The following TIAM1 variants were observed in gnomAD, a reference collection of about 807,000 sequenced individuals.
TIAM1 encodes the protein rho guanine nucleotide exchange factor TIAM1.
TIAM1 carries 65 observed loss-of-function variants against 163.5 expected under a neutral mutation model. That is an observed-to-expected ratio of 0.40 (90% CI 0.33 to 0.49). TIAM1 has a LOEUF of 0.49. Ranked by LOEUF, TIAM1 falls within the 20% of genes least tolerant of loss-of-function variation. TIAM1 has a pLI of 0.77. For synonymous variants in TIAM1, 833 were observed against 810.1 expected, an observed-to-expected ratio of 1.03 and a Z score of -0.48; for missense variants, 1,789 against 2,044.7, an observed-to-expected ratio of 0.87 and a Z score of 2.41.
intron 4 of TIAM1, among the ~76,000 whole-genome samples, chr21:31,260,535 G>A (rs2072402107): frequency 1.3e-5 from 2 of 151,834 alleles, no homozygotes; most frequent in African/African-American, 4.8e-5. Flanking sequence ...GTCTAAGAAT[G>A]GCTAACATAA....
chr21:31,397,284 A>C (rs1222706931), intron 2 of TIAM1, among the ~76,000 whole-genome samples: 1 of 152,206 alleles, frequency 6.6e-6, no homozygotes, highest in Non-Finnish European at 1.5e-5. Flanking sequence ...TATAAACAGC[A>C]AAAAACTGAG....
At chr21:31,210,945 A>G (rs941424363) in intron 10 of TIAM1, among the ~76,000 whole-genome samples, 10 of 145,780 alleles carry the variant, frequency 6.9e-5, no homozygotes, top group African/African-American at 2.6e-4. Context: ...TGAAGCCCCA[A>G]TCATTTTTTT....
chr21:31,304,138 A>G (rs909443585), intron 2 of TIAM1, among the ~76,000 whole-genome samples: 6 of 152,170 alleles, frequency 3.9e-5, no homozygotes, highest in African/African-American at 1.4e-4. Flanking sequence ...AGCTACACAC[A>G]TGTTCATATA....
intron 2 of TIAM1, among the ~76,000 whole-genome samples, chr21:31,295,632 TATG>T (rs1441364655): frequency 1.3e-5 from 2 of 152,120 alleles, no homozygotes; most frequent in African/African-American, 4.8e-5. Flanking sequence ...TGAAATTCTT[TATG>T]ATGAACAGTT....
At chr21:31,471,858 A>G (rs2045751438) in intron 1 of TIAM1, among the ~76,000 whole-genome samples, 1 of 143,252 alleles carries the variant, frequency 7.0e-6, no homozygotes, top group South Asian at 2.3e-4. Context: ...AACAAGAGCG[A>G]AACTCCATCT....
chr21:31,483,091 T>C (rs529995102), intron 1 of TIAM1, among the ~76,000 whole-genome samples: 3 of 152,182 alleles, frequency 2.0e-5, no homozygotes. Context: ...TATCACACCA[T>C]GGCGGGCTGT....
intron 15 of TIAM1, among the ~76,000 whole-genome samples, chr21:31,169,627 T>G (rs1233750382): frequency 1.3e-5 from 2 of 152,160 alleles, no homozygotes; most frequent in African/African-American, 4.8e-5. Flanking sequence ...CTGAAAAAGT[T>G]CGCTAAAGGA....
chr21:31,140,932 G>A (rs2082819121), intron 22 of TIAM1, among the ~76,000 whole-genome samples, 186 bp downstream of exon 22: 1 of 152,236 alleles, frequency 6.6e-6, no homozygotes, highest in South Asian at 2.1e-4. Context: ...GGAAGAAATA[G>A]TCCAGCTGAG....
At chr21:31,339,136 G>T in intron 2 of TIAM1, 107 bp downstream of exon 2, 1 of 390,376 alleles carries the variant, frequency 2.6e-6, no homozygotes, top group Non-Finnish European at 4.5e-6. Context: ...CACAAACAAT[G>T]AACTTTCTAT....
chr21:31,488,074 T>C (rs2046337766), intron 1 of TIAM1, among the ~76,000 whole-genome samples: 1 of 152,212 alleles, frequency 6.6e-6, no homozygotes, highest in Non-Finnish European at 1.5e-5. Context: ...TCCACCCACT[T>C]CGGCCTCCCG....
chr21:31,473,526 GTT>G (rs10707169), intron 1 of TIAM1, among the ~76,000 whole-genome samples: 143 of 143,622 alleles, frequency 1.0e-3, no homozygotes, highest in African/African-American at 3.2e-3. Context: ...GGTTAATTTT[GTT>G]TTTTTTTGCT....
At chr21:31,135,897 T>C (rs1200797578) in intron 23 of TIAM1, 36 bp downstream of exon 23, 1 of 1,574,744 alleles carries the variant, frequency 6.4e-7, no homozygotes. Context: ...TAAGCTAGAC[T>C]TTTCCCCCTC....
At chr21:31,369,269 C>G (rs926110057) in intron 2 of TIAM1, among the ~76,000 whole-genome samples, 17 of 150,840 alleles carry the variant, frequency 1.1e-4, no homozygotes, top group African/African-American at 3.9e-4. Context: ...AATGAGGAAG[C>G]TACATGAGAC....
chr21:31,446,446 T>A, intron 2 of TIAM1, among the ~76,000 whole-genome samples: 1 of 152,102 alleles, frequency 6.6e-6, no homozygotes, highest in East Asian at 1.9e-4. Flanking sequence ...TCACGGGTGA[T>A]CACTTTCAAA....
chr21:31,250,761 G>A (rs2071757410), intron 5 of TIAM1, among the ~76,000 whole-genome samples: 1 of 152,118 alleles, frequency 6.6e-6, no homozygotes, highest in Non-Finnish European at 1.5e-5. Flanking sequence ...TTAAAATATA[G>A]AGCTCATAAA....
intron 1 of TIAM1, among the ~76,000 whole-genome samples, chr21:31,529,445 C>T (rs938892979): frequency 6.6e-6 from 1 of 151,786 alleles, no homozygotes; most frequent in East Asian, 1.9e-4. Context: ...ATTTCAGAAA[C>T]GAGGAGTATG....
intron 6 of TIAM1, among the ~76,000 whole-genome samples, chr21:31,233,624 G>A (rs200965357): frequency 2.0e-4 from 31 of 152,318 alleles, no homozygotes; most frequent in South Asian, 8.3e-4. Context: ...AGAATTGCTC[G>A]AACCTGGGAG....
Position 31,225,777 on chromosome 21 carries a change from C to A in TIAM1, c.1758G>T (p.Met586Ile). Residue 586 changes from methionine (M) to isoleucine (I), a missense_variant, in exon 7 of 28, where the codon ATG becomes ATT. Met to Ile is a conservative substitution (Grantham distance 10, BLOSUM62 1). Around this residue, in one of 5 missense-constraint regions of TIAM1, gnomAD observed 456 missense variants for 586.6 expected, o/e 0.78. Transcript: ENST00000541036. The part of the protein sequence containing the change: ...MDEKMKKMGE[M>I]QLSSVTDSKK... The stretch of plus-strand genomic sequence containing the variant: ...TTGAGTCAGTGACTGAAGACAGCTG[C>A]ATTTCACCCATTTTCTTCATCTTTT... 6.2e-7 allele frequency: 1 copy of A among 1,613,974 alleles called. No individual in the cohort carries two copies. Among genetic ancestry groups the A allele is most frequent in the East Asian group, 2.2e-5 (1 of 44,882 alleles).
intron 2 of TIAM1, among the ~76,000 whole-genome samples, chr21:31,317,920 C>G (rs1245986727): frequency 6.6e-6 from 1 of 152,122 alleles, no homozygotes; most frequent in Non-Finnish European, 1.5e-5. Flanking sequence ...TCAGGCAGCC[C>G]CAACACAGCA....
Sources: allele counts gnomAD v4.1 joint callset (sites outside exome capture counted in the v4.1 genomes callset), GRCh38; gene constraint gnomAD v4.1.1; regional missense constraint gnomAD v4.1.1; transcripts MANE v1.5; gene names NCBI Gene and HGNC (gene_info 2026-07-23, HGNC 2026-07-21).